FSD1L: variants seen among roughly 807,000 people sequenced by gnomAD.
FSD1L encodes the protein FSD1-like protein.
Under a neutral mutation model 71.6 loss-of-function variants are expected in FSD1L, and 45 were observed. The observed-to-expected ratio is 0.63, with a 90% CI of 0.49 to 0.81. The LOEUF (loss-of-function observed/expected upper bound fraction) is 0.81. Among genes scored for constraint, FSD1L ranks in the 30% least tolerant of loss-of-function variants. FSD1L has a pLI of 0.00. For missense variants in FSD1L, 561 were observed against 618.1 expected (o/e 0.91, Z 0.98); for synonymous variants, 197 against 207.2 (o/e 0.95, Z 0.42).
intron 1 of FSD1L, among the ~76,000 whole-genome samples, chr9:105,449,778 T>TGAGGAATCAGGACATG (rs11272703): frequency 0.71 from 108,614 of 151,944 alleles, 39,697 homozygotes; most frequent in African/African-American, 0.87. Context: ...CTTACTTTAA[T>TGAGGAATCAGGACATG]GAGTTGTGAC....
chr9:105,517,093 TAATGAAATAAAGCGAG>T (rs1489037112), intron 10 of FSD1L, among the ~76,000 whole-genome samples: 1 of 152,056 alleles, frequency 6.6e-6, no homozygotes, highest in Non-Finnish European at 1.5e-5. Flanking sequence ...AAGATCAACT[TAATGAAATAAAGCGAG>T]AAGACAAGAT....
rs993035510 is a variant in FSD1L at position 105,534,955 on chromosome 9, G to A, written c.1127-112G>A. 6 of 982,802 alleles carry A rather than the reference G, an allele frequency of 6.1e-6. No homozygotes were observed. In the African/African-American group the frequency reaches 6.5e-5, roughly 11 times the overall value. 60.9% of individuals were successfully genotyped at this position (982,802 alleles called of 1,614,324 possible). On this transcript the variant is annotated intron_variant, in intron 11 of 13. Coordinates refer to ENST00000481272, the MANE Select transcript of FSD1L (RefSeq NM_001145313.3). Reference sequence around the variant, plus strand: ...TGTGTTAACATGATTATTCTTATAGGAAAAGTACTTGAATAAAAATTTTTG... The same window carrying A: ...TGTGTTAACATGATTATTCTTATAGAAAAAGTACTTGAATAAAAATTTTTG...
chr9:105,478,793 A>G (rs941147061), intron 5 of FSD1L, among the ~76,000 whole-genome samples: 4 of 152,206 alleles, frequency 2.6e-5, no homozygotes, highest in Admixed American at 2.6e-4. Context: ...AATTTCTGCC[A>G]TTACAACTTT....
chr9:105,511,197 T>C (rs1834375797), intron 9 of FSD1L, among the ~76,000 whole-genome samples: 1 of 151,862 alleles, frequency 6.6e-6, no homozygotes, highest in Non-Finnish European at 1.5e-5. Flanking sequence ...TATCTATTTT[T>C]TTTTTTTGCC....
In FSD1L at chr9:105,506,429, A is replaced by T; in HGVS notation, c.617A>T (p.Glu206Val). The T allele has an allele frequency of 6.4e-7, 1 of 1,550,728 alleles. No individual in the cohort carries two copies. The highest frequency in any genetic ancestry group is 8.7e-7 in the Non-Finnish European group (1 of 1,146,664). ...VPKAPEIDPV[E>V]CLVADNSVTV... ...AAAGCTCCAGAGATAGATCCAGTAGAGTGTTTGGTGGCAGATAACTCTGTA... is the reference window on the plus strand; with the variant it reads ...AAAGCTCCAGAGATAGATCCAGTAGTGTGTTTGGTGGCAGATAACTCTGTA... Residue 206 changes from glutamate (E) to valine (V), a missense_variant, in exon 8 of 14, where the codon GAG becomes GTG. Physicochemically the swap from Glu to Val is moderately radical, Grantham distance 121 (BLOSUM62 -2). Coordinates refer to ENST00000481272, the MANE Select transcript of FSD1L (RefSeq NM_001145313.3).
intron 3 of FSD1L, among the ~76,000 whole-genome samples, chr9:105,465,472 A>G (rs1455001031): frequency 6.6e-6 from 1 of 152,232 alleles, no homozygotes; most frequent in Non-Finnish European, 1.5e-5. Context: ...AATACAGGCC[A>G]GTATTCCTAA....
intron 10 of FSD1L, among the ~76,000 whole-genome samples, chr9:105,527,253 G>T (rs978613009): frequency 3.4e-4 from 49 of 145,900 alleles, no homozygotes; most frequent in Admixed American, 1.1e-3. Context: ...TTTGTTTTCA[G>T]ATTGTGGCCT....
intron 10 of FSD1L, among the ~76,000 whole-genome samples, chr9:105,519,683 A>C (rs1834985379): frequency 6.6e-6 from 1 of 152,230 alleles, no homozygotes; most frequent in African/African-American, 2.4e-5. Context: ...GCAAACCCAC[A>C]GCCAGTATCA....
rs1288147529 is a variant in FSD1L at position 105,484,464 on chromosome 9, A to T, written c.548A>T (p.Gln183Leu). 3 of 1,531,530 alleles carry T rather than the reference A, an allele frequency of 2.0e-6. No homozygotes were observed. Among genetic ancestry groups the T allele is most frequent in the Non-Finnish European group, 2.6e-6 (3 of 1,139,266 alleles). The allele number at this position is 1,531,530 out of a possible 1,614,324, so 94.9% of individuals were successfully genotyped here. Residue 183 changes from glutamine to leucine, a missense_variant, in exon 7 of 14, where the codon CAG becomes CTG. Gln to Leu is a moderately radical substitution (Grantham distance 113, BLOSUM62 -2). Around this residue, in one of 3 missense-constraint regions of FSD1L, gnomAD observed 410 missense variants for 413.5 expected, o/e 0.99. Transcript: ENST00000481272. The stretch of plus-strand genomic sequence containing the variant: ...ACTCATTTAATGGTGGATTTCTCAC[A>T]GGAAAGACAGATGCTGCAAACTTTG... ...NMTHLMVDFS[Q>L]ERQMLQTLKF...
rs192105610 is a variant in FSD1L, at chr9:105,463,090, A to G, written c.112-1146A>G. Among the ~76,000 whole-genome samples, 515 of 151,788 alleles carry G rather than the reference A, an allele frequency of 3.4e-3. 6 individuals carry two copies. Among genetic ancestry groups the G allele is most frequent in the Admixed American group, 0.02 (300 of 15,242 alleles). On this transcript the variant is annotated intron_variant, in intron 2 of 13. Coordinates refer to ENST00000481272, the MANE Select transcript of FSD1L (RefSeq NM_001145313.3). ...GAGGTGGAGGTTGCAGTGAGCCGAGATCACGCCATTGCACTCCAACCTGGG... is the reference window on the plus strand; with the variant it reads ...GAGGTGGAGGTTGCAGTGAGCCGAGGTCACGCCATTGCACTCCAACCTGGG...
At chr9:105,525,411 T>C in intron 10 of FSD1L, 1 of 1,606,918 alleles carries the variant, frequency 6.2e-7, no homozygotes, top group Non-Finnish European at 8.5e-7. Flanking sequence ...AAAGTGATGT[T>C]ATTAATGCTA....
chr9:105,458,778 C>G (rs1830509425), intron 1 of FSD1L, among the ~76,000 whole-genome samples: 1 of 152,180 alleles, frequency 6.6e-6, no homozygotes, highest in African/African-American at 2.4e-5. Flanking sequence ...GGGACCCACC[C>G]CTATCTGCCT....
At chr9:105,512,675 AT>A in intron 9 of FSD1L, 131 bp from the exon 10 acceptor site, 2 of 468,906 alleles carry the variant, frequency 4.3e-6, no homozygotes, top group Non-Finnish European at 7.5e-6. Context: ...TGCTAGGATT[AT>A]GAATTTGAAC....
intron 9 of FSD1L, among the ~76,000 whole-genome samples, chr9:105,509,292 AG>A (rs1405276771): frequency 6.6e-6 from 1 of 152,222 alleles, no homozygotes; most frequent in Non-Finnish European, 1.5e-5. Context: ...TAGTTTGGAA[AG>A]GTGTGAATAA....
intron 13 of FSD1L, among the ~76,000 whole-genome samples, chr9:105,544,725 T>C (rs1469452336): frequency 6.6e-6 from 1 of 152,190 alleles, no homozygotes; most frequent in Non-Finnish European, 1.5e-5. Context: ...TTGTCAAAGA[T>C]CAGATGGTTG....
chr9:105,502,824 TAA>T (rs934749763), intron 7 of FSD1L, among the ~76,000 whole-genome samples: 1 of 142,688 alleles, frequency 7.0e-6, no homozygotes, highest in African/African-American at 2.6e-5. Context: ...GAGGTATGAT[TAA>T]AAAAAAAAAG....
intron 9 of FSD1L, among the ~76,000 whole-genome samples, chr9:105,510,558 A>G (rs1834334631): frequency 6.6e-6 from 1 of 152,186 alleles, no homozygotes; most frequent in Admixed American, 6.5e-5. Context: ...GAGATTGAGT[A>G]GTTGAGCCTA....
Position 105,472,006 on chromosome 9 carries a change from G to A in FSD1L, c.441+1G>A. 1 of 1,428,188 alleles carries A rather than the reference G, an allele frequency of 7.0e-7. No homozygotes were observed. Among genetic ancestry groups the A allele is most frequent in the Non-Finnish European group, 9.2e-7 (1 of 1,089,978 alleles). 88.5% of individuals were successfully genotyped at this position (1,428,188 alleles called of 1,614,324 possible). ...AAAGGAACCTGAAGAATTTTCAAAG[G>A]TACACAAAAACTGCATTAATACACT... is the stretch of plus-strand genomic sequence containing the variant. On this transcript the variant is annotated splice_donor_variant, in intron 5 of 13. Transcript: ENST00000481272. LOFTEE classifies it high-confidence loss of function.
chr9:105,517,495 G>T (rs1589058100), intron 10 of FSD1L, among the ~76,000 whole-genome samples: 1 of 152,316 alleles, frequency 6.6e-6, no homozygotes, highest in East Asian at 1.9e-4. Flanking sequence ...GAAGAGAGTG[G>T]GGGCCAATAT....
Sources: allele counts gnomAD v4.1 joint callset (sites outside exome capture counted in the v4.1 genomes callset), GRCh38; gene constraint gnomAD v4.1.1; regional missense constraint gnomAD v4.1.1; transcripts MANE v1.5; gene names NCBI Gene and HGNC (gene_info 2026-07-23, HGNC 2026-07-21).